MTNR1B: variants seen among roughly 807,000 people sequenced by gnomAD.
MTNR1B encodes the protein melatonin receptor 1B.
In MTNR1B, 7 loss-of-function variants were observed where a neutral mutation model predicts 7.0. The observed-to-expected ratio is 1.00, with a 90% confidence interval of 0.57 to 1.88. The LOEUF is 1.88. Ranked by LOEUF, MTNR1B falls within the 40% of genes most tolerant of loss-of-function variation. The pLI is 0.00. For synonymous variants in MTNR1B, 226 were observed against 208.2 expected (o/e 1.09, Z -0.74); for missense variants, 478 against 486.5 (o/e 0.98, Z 0.16).
At position 92,981,964 on chromosome 11, in the gene MTNR1B, G is replaced by A. The variant is rs750051220; in HGVS notation, c.741G>A (p.Leu247=). Residue 247 remains leucine (L), a synonymous_variant, in exon 2 of 2, where the codon TTG becomes TTA. Coordinates refer to ENST00000257068, the MANE Select transcript of MTNR1B (RefSeq NM_005959.5). ...ESRLCLKPSD[L]RSFLTMFVVF... ...GGCTGTGCCTGAAGCCCAGCGACTT[G>A]CGGAGCTTTCTAACCATGTTTGTGG... 1.1e-5 allele frequency: 17 copies of A among 1,614,264 alleles called. 1 individual carries two copies. The South Asian group carries it at 1.9e-4, about 18-fold the overall frequency.
At chr11:92,984,822 C>T (rs988216101), downstream of MTNR1B, 1 of 449,512 alleles carries the variant, frequency 2.2e-6, no homozygotes, top group African/African-American at 2.0e-5. Context: ...TGGTGATAAA[C>T]CAGGAGCTGA....
chr11:92,969,983 G>A, intron 1 of MTNR1B, 35 bp downstream of exon 1: 2 of 1,563,544 alleles, frequency 1.3e-6, no homozygotes, highest in South Asian at 2.4e-5. Flanking sequence ...TGCTGGCATC[G>A]GGCCCTTCCT....
intron 1 of MTNR1B, among the ~76,000 whole-genome samples, chr11:92,980,699 G>A (rs920818126): frequency 1.3e-5 from 2 of 152,160 alleles, no homozygotes; most frequent in Non-Finnish European, 2.9e-5. Flanking sequence ...AAGCAGGGAG[G>A]CCCCCCAGAG....
At chr11:92,974,200 G>T (rs1184183128) in intron 1 of MTNR1B, among the ~76,000 whole-genome samples, 1 of 152,184 alleles carries the variant, frequency 6.6e-6, no homozygotes, top group Non-Finnish European at 1.5e-5. Context: ...GTTGTGGGAG[G>T]GACCTGGTGG....
chr11:92,982,536 G>A lies in MTNR1B; in HGVS notation c.*224G>A, dbSNP rs1030200107. 2.4e-5 allele frequency: 14 copies of A among 580,404 alleles called. No individual in the cohort carries two copies. Among genetic ancestry groups the A allele is most frequent in the African/African-American group, 1.3e-4 (7 of 53,538 alleles). 36.0% of individuals were successfully genotyped at this position (580,404 alleles called of 1,614,324 possible). A position where few individuals can be genotyped will look rare whatever the true frequency, so the allele number is the denominator to read the frequency against. On this transcript the variant is annotated 3_prime_UTR_variant, in exon 2 of 2. Coordinates refer to ENST00000257068, the MANE Select transcript of MTNR1B (RefSeq NM_005959.5). Reference sequence around the variant, plus strand: ...CCACAGGACCTGGAAAACACTCTTGGTGGTGTCTTGGGGATTTGGTGCACA... The same window carrying A: ...CCACAGGACCTGGAAAACACTCTTGATGGTGTCTTGGGGATTTGGTGCACA...
At chr11:92,973,284 C>T (rs1221077958) in intron 1 of MTNR1B, among the ~76,000 whole-genome samples, 2 of 152,158 alleles carry the variant, frequency 1.3e-5, no homozygotes, top group African/African-American at 2.4e-5. Context: ...TGCCCCACTT[C>T]ATGCCTTCAT....
chr11:92,982,418 G>T lies in MTNR1B; in HGVS notation c.*106G>T. ...GCCTGCTGGGCCACACTGTCCTGTT[G>T]GCATCACAGCCCCAAGGCTGGGGGA... On this transcript the variant is annotated 3_prime_UTR_variant, in exon 2 of 2. Coordinates refer to ENST00000257068, the MANE Select transcript of MTNR1B (RefSeq NM_005959.5). 1 of 1,351,354 alleles carries T rather than the reference G, an allele frequency of 7.4e-7. No individual in the cohort carries two copies. Among genetic ancestry groups the T allele is most frequent in the Middle Eastern group, 2.7e-4 (1 of 3,734 alleles). The allele number at this position is 1,351,354 out of a possible 1,614,324, so 83.7% of individuals were successfully genotyped here.
chr11:92,975,716 T>C (rs1403413684), intron 1 of MTNR1B, among the ~76,000 whole-genome samples: 3 of 152,236 alleles, frequency 2.0e-5, no homozygotes, highest in Non-Finnish European at 4.4e-5. Context: ...ATAAGCAGCA[T>C]GGTTCTGAAC....
rs367580835 is a variant in MTNR1B at position 92,982,249 on chromosome 11, G to A, written c.1026G>A (p.Ala342=). The A allele has an allele frequency of 5.2e-5, 84 of 1,614,066 alleles. No homozygotes were observed. The highest frequency in any genetic ancestry group is 8.9e-5 in the East Asian group (4 of 44,896). Residue 342 remains alanine, a synonymous_variant, in exon 2 of 2, where the codon GCG becomes GCA. Transcript: ENST00000257068. ...CIQDASKGSH[A]EGLQSPAPPI... is the part of the protein sequence containing the mutation. ...AAGATGCTTCCAAGGGCAGCCACGC[G>A]GAGGGGCTGCAGAGCCCAGCTCCAC... is the stretch of plus-strand genomic sequence containing the variant.
Position 92,969,800 on chromosome 11 carries a change from TGGCAGCGCGC to T in MTNR1B, c.79_88del (p.Ser27ProfsTer32). On this transcript the variant is annotated frameshift_variant, in exon 1 of 2. Transcript: ENST00000257068. LOFTEE classifies it high-confidence loss of function. ...CAGTGCGCCCGGGCTGGTCGGGGGC[TGGCAGCGCGC>T]GGCCCTCCAGGACCCCTCGACCTCC... 1 of 1,559,734 alleles carries T rather than the reference TGGCAGCGCGC, an allele frequency of 6.4e-7. No individual in the cohort carries two copies. Among genetic ancestry groups the T allele is most frequent in the Non-Finnish European group, 8.7e-7 (1 of 1,151,588 alleles).
At chr11:92,972,215 T>TA (rs1295244116) in intron 1 of MTNR1B, among the ~76,000 whole-genome samples, 2 of 152,214 alleles carry the variant, frequency 1.3e-5, no homozygotes, top group Non-Finnish European at 2.9e-5. Flanking sequence ...TTTCTGTACT[T>TA]AAGTCTGGCT....
At position 92,981,932 on chromosome 11, in the gene MTNR1B, G is replaced by C. The variant is rs1369341012; in HGVS notation, c.709G>C (p.Glu237Gln). 7 of 1,614,236 alleles carry C rather than the reference G, an allele frequency of 4.3e-6. No homozygotes were observed. Among genetic ancestry groups the C allele is most frequent in the Non-Finnish European group, 5.9e-6 (7 of 1,180,044 alleles). ...TCAGGCCCGCAGGAAAGCCAAGCCAGAGAGCAGGCTGTGCCTGAAGCCCAG... is the reference window on the plus strand; with the variant it reads ...TCAGGCCCGCAGGAAAGCCAAGCCACAGAGCAGGCTGTGCCTGAAGCCCAG... ...VLQARRKAKP[E>Q]SRLCLKPSDL... The change falls in exon 2 of 2, where the codon GAG (glutamate) becomes CAG (glutamine). Residue 237 changes from glutamate (E) to glutamine (Q), a missense_variant. Glu to Gln is a conservative substitution (Grantham distance 29, BLOSUM62 2). Coordinates refer to ENST00000257068, the MANE Select transcript of MTNR1B (RefSeq NM_005959.5).
Position 92,969,806 on chromosome 11 carries a change from C to A in MTNR1B, c.81C>A (p.Ser27Arg). ...GCCCGGGCTGGTCGGGGGCTGGCAG[C>A]GCGCGGCCCTCCAGGACCCCTCGAC... is the stretch of plus-strand genomic sequence containing the variant. The part of the protein sequence containing the change: ...AVRPGWSGAG[S>R]ARPSRTPRPP... Residue 27 changes from serine to arginine, a missense_variant, in exon 1 of 2, where the codon AGC becomes AGA. Coordinates refer to ENST00000257068, the MANE Select transcript of MTNR1B (RefSeq NM_005959.5). 2 of 1,564,954 alleles carry A rather than the reference C, an allele frequency of 1.3e-6. No homozygotes were observed. Among genetic ancestry groups the A allele is most frequent in the Non-Finnish European group, 1.7e-6 (2 of 1,154,812 alleles).
At chr11:92,977,546 G>A (rs1229164059) in intron 1 of MTNR1B, among the ~76,000 whole-genome samples, 1 of 152,142 alleles carries the variant, frequency 6.6e-6, no homozygotes, top group East Asian at 1.9e-4. Flanking sequence ...CAAAAGTCTT[G>A]GTAATTTTGT....
chr11:92,970,207 C>T (rs899422386), intron 1 of MTNR1B, among the ~76,000 whole-genome samples: 17 of 152,176 alleles, frequency 1.1e-4, no homozygotes, highest in Non-Finnish European at 2.9e-5. Context: ...TTTGGCCGGG[C>T]GCCGGCGCTG....
rs141804752 is a variant in MTNR1B at position 92,969,904 on chromosome 11, T to G, written c.179T>G (p.Leu60Arg). Residue 60 changes from leucine to arginine, a missense_variant, in exon 1 of 2, where the codon CTG (leucine) becomes CGG (arginine). Physicochemically the swap from Leu to Arg is moderately radical, Grantham distance 102. Transcript: ENST00000257068. ...TTAVDVVGNL[L>R]VILSVLRNRK... ...GCCGTGGACGTCGTGGGCAACCTCC[T>G]GGTGATCCTCTCCGTGCTCAGGAAC... 3.7e-4 allele frequency: 601 copies of G among 1,612,340 alleles called. No individual in the cohort carries two copies. The highest frequency in any genetic ancestry group is 4.6e-4 in the Non-Finnish European group (548 of 1,179,664).
downstream of MTNR1B, among the ~76,000 whole-genome samples, chr11:92,984,347 C>G (rs1022628958): frequency 1.3e-5 from 2 of 152,112 alleles, no homozygotes; most frequent in Admixed American, 1.3e-4. Context: ...GGTCCTTGAC[C>G]TAACTGTTGG....
intron 1 of MTNR1B, 22 bp downstream of exon 1, chr11:92,969,970 G>T: frequency 6.3e-7 from 1 of 1,589,384 alleles, no homozygotes. Flanking sequence ...TCCTGATGCT[G>T]GGTGCTGGCA....
downstream of MTNR1B, among the ~76,000 whole-genome samples, chr11:92,983,275 C>T (rs1446619791): frequency 6.6e-6 from 1 of 152,086 alleles, no homozygotes; most frequent in Non-Finnish European, 1.5e-5. Context: ...GGGCTATCAC[C>T]GGATGCGGTG....
Sources: gnomAD v4.1 joint callset for allele counts (sites outside exome capture counted in the v4.1 genomes callset) on GRCh38, gnomAD v4.1.1 for gene constraint, MANE v1.5 for transcripts, NCBI Gene and HGNC (gene_info 2026-07-23, HGNC 2026-07-21) for gene names.